PIWIL2: variants seen among roughly 807,000 people sequenced by gnomAD.
PIWIL2 encodes piwi-like protein 2.
Under a neutral mutation model 116.5 loss-of-function variants are expected in PIWIL2, and 81 were observed. That is an observed-to-expected ratio of 0.70 (90% CI 0.58 to 0.84). The LOEUF (loss-of-function observed/expected upper bound fraction) is 0.84. Among genes scored for constraint, PIWIL2 ranks in the 40% least tolerant of loss-of-function variants. PIWIL2 has a pLI of 0.00. For synonymous variants in PIWIL2, 489 were observed against 429.5 expected (o/e 1.14, Z -1.71); for missense variants, 1,272 against 1,212.3 (o/e 1.05, Z -0.73).
intron 18 of PIWIL2, among the ~76,000 whole-genome samples, chr8:22,315,797 C>A (rs1831444329): frequency 6.6e-6 from 1 of 152,150 alleles, no homozygotes. Context: ...AAATAAAGGT[C>A]AAGTATGCTT....
chr8:22,348,859 A>C (rs1468576754), intron 20 of PIWIL2, among the ~76,000 whole-genome samples: 1 of 152,346 alleles, frequency 6.6e-6, no homozygotes, highest in South Asian at 2.1e-4. Context: ...AAAATAGACT[A>C]GATGACCTAG....
intron 10 of PIWIL2, among the ~76,000 whole-genome samples, chr8:22,295,509 G>C (rs1042276836): frequency 2.6e-5 from 4 of 151,962 alleles, no homozygotes; most frequent in African/African-American, 7.3e-5. Context: ...ATCTAGCTTT[G>C]AGAACCTCTT....
intron 5 of PIWIL2, among the ~76,000 whole-genome samples, chr8:22,283,864 T>C (rs570489318): frequency 1.3e-5 from 2 of 152,238 alleles, no homozygotes; most frequent in African/African-American, 4.8e-5. Flanking sequence ...ATCGTGACGC[T>C]TCATCTTTCT....
At chr8:22,352,242 G>C (rs1209855953) in intron 20 of PIWIL2, among the ~76,000 whole-genome samples, 1 of 152,248 alleles carries the variant, frequency 6.6e-6, no homozygotes, top group East Asian at 1.9e-4. Context: ...ACCGTGCCTG[G>C]CCCTTCTTGA....
chr8:22,327,674 T>C (rs1831757541), intron 20 of PIWIL2, among the ~76,000 whole-genome samples: 2 of 152,122 alleles, frequency 1.3e-5, no homozygotes, highest in Non-Finnish European at 2.9e-5. Context: ...GCTTGAATCA[T>C]CACTGTTGTG....
At chr8:22,284,707 C>T (rs899921922) in intron 6 of PIWIL2, among the ~76,000 whole-genome samples, 2 of 149,324 alleles carry the variant, frequency 1.3e-5, no homozygotes, top group East Asian at 4.0e-4. Context: ...CATGAGCCAT[C>T]ATACCAACAT....
In PIWIL2 at chr8:22,355,542, C is replaced by T. The variant is rs763344374; in HGVS notation, c.*37C>T. ...GGAGATGGGCTGGTGAGAAGAAAGG[C>T]GGCCTCAGAACTCAGCTGTGACTCT... On this transcript the variant is annotated 3_prime_UTR_variant, in exon 23 of 23. Transcript: ENST00000356766. The T allele has an allele frequency of 4.4e-6, 7 of 1,596,988 alleles. No homozygotes were observed. Among genetic ancestry groups the T allele is most frequent in the East Asian group, 4.5e-5 (2 of 44,556 alleles).
chr8:22,331,339 G>T (rs1831857860), intron 20 of PIWIL2, among the ~76,000 whole-genome samples: 1 of 151,554 alleles, frequency 6.6e-6, no homozygotes, highest in South Asian at 2.1e-4. Context: ...CTACAAAAAA[G>T]AAATTAAAAT....
intron 17 of PIWIL2, 31 bp from the exon 18 acceptor site, chr8:22,314,998 C>T: frequency 8.1e-7 from 1 of 1,238,780 alleles, no homozygotes; most frequent in East Asian, 2.3e-5. Flanking sequence ...TGACCTGCTT[C>T]TCCTGACACC....
chr8:22,292,071 C>G (rs190137207), intron 10 of PIWIL2, among the ~76,000 whole-genome samples: 14 of 152,190 alleles, frequency 9.2e-5, no homozygotes, highest in Non-Finnish European at 1.9e-4. Context: ...GTGGACAGCT[C>G]AGGCACAGAC....
intron 5 of PIWIL2, among the ~76,000 whole-genome samples, chr8:22,283,848 A>G (rs1017139494): frequency 2.1e-4 from 32 of 152,224 alleles, no homozygotes; most frequent in African/African-American, 7.0e-4. Flanking sequence ...ATAATTTAGG[A>G]AGAATATCGT....
rs985322074 is a variant in PIWIL2, at chr8:22,281,414, G to A, written c.324G>A (p.Leu108=). The A allele has an allele frequency of 6.2e-7, 1 of 1,607,726 alleles. No homozygotes were observed. Among genetic ancestry groups the A allele is most frequent in the Admixed American group, 1.7e-5 (1 of 57,630 alleles). Residue 108 remains leucine (L), a synonymous_variant, in exon 4 of 23, where the codon CTG becomes CTA. Transcript: ENST00000356766. ...TAGGTCGAGGCTTGTCTGCTAATCT[G>A]GTACGCAAGGACAGGGAGGAACTCT... is the stretch of plus-strand genomic sequence containing the variant. The part of the protein sequence containing the change: ...GILGRGLSAN[L]VRKDREELSP...
At chr8:22,288,485 T>G in intron 7 of PIWIL2, 57 bp from the exon 8 acceptor site, 2 of 1,430,512 alleles carry the variant, frequency 1.4e-6, no homozygotes, top group Non-Finnish European at 1.9e-6. Flanking sequence ...GATTAGGACT[T>G]GGTCATTAGT....
chr8:22,315,045 C>G lies in PIWIL2; in HGVS notation c.2108C>G (p.Thr703Ser). The G allele has an allele frequency of 1.4e-5, 23 of 1,611,726 alleles. No homozygotes were observed. The highest frequency in any genetic ancestry group is 2.0e-5 in the Non-Finnish European group (23 of 1,177,838). Residue 703 changes from threonine (T) to serine (S), a missense_variant, in exon 18 of 23, where the codon ACC (threonine) becomes AGC (serine). Thr to Ser is a moderately conservative substitution (Grantham distance 58). Coordinates refer to ENST00000356766, the MANE Select transcript of PIWIL2 (RefSeq NM_018068.5). Reference sequence around the variant, plus strand: ...TCATTATAGGTTGTCAATGTTCGAACCATTGGTCAGCCCACCAGGCTTCGG... The same window carrying G: ...TCATTATAGGTTGTCAATGTTCGAAGCATTGGTCAGCCCACCAGGCTTCGG... Reference protein sequence around the residue: ...PVPSQVVNVRTIGQPTRLRSV... With the variant: ...PVPSQVVNVRSIGQPTRLRSV...
At chr8:22,297,882 A>T (rs535019747) in intron 10 of PIWIL2, among the ~76,000 whole-genome samples, 1 of 152,144 alleles carries the variant, frequency 6.6e-6, no homozygotes, top group Non-Finnish European at 1.5e-5. Flanking sequence ...ACTGTTTTCT[A>T]TGTTGAGCAG....
chr8:22,323,469 A>G (rs957023148), intron 20 of PIWIL2, among the ~76,000 whole-genome samples: 2 of 151,988 alleles, frequency 1.3e-5, no homozygotes, highest in African/African-American at 4.8e-5. Context: ...TGACCTCGTG[A>G]TCCACCCACT....
intron 20 of PIWIL2, among the ~76,000 whole-genome samples, chr8:22,319,204 T>C (rs9987191): frequency 0.015 from 2,220 of 152,328 alleles, 68 homozygotes; most frequent in African/African-American, 0.049. Context: ...TTTCATATGA[T>C]TGAACTCAGT....
At chr8:22,278,494 T>A (rs554597070) in intron 1 of PIWIL2, among the ~76,000 whole-genome samples, 229 of 152,306 alleles carry the variant, frequency 1.5e-3, no homozygotes, top group Non-Finnish European at 2.7e-3. Flanking sequence ...CACTCCAGCC[T>A]GGGCGACAGA....
intron 20 of PIWIL2, among the ~76,000 whole-genome samples, chr8:22,338,373 A>G (rs150256727): frequency 2.0e-4 from 30 of 152,304 alleles, no homozygotes; most frequent in African/African-American, 7.2e-4. Flanking sequence ...GTGTGCTAGC[A>G]ATGAACAATT....
Sources: allele counts gnomAD v4.1 joint callset (sites outside exome capture counted in the v4.1 genomes callset), GRCh38; gene constraint gnomAD v4.1.1; transcripts MANE v1.5; gene names NCBI Gene and HGNC (gene_info 2026-07-23, HGNC 2026-07-21).